The following ETV6 variants were observed in gnomAD, a reference collection of about 807,000 sequenced individuals.
ETV6 encodes ETS variant transcription factor 6.
In ETV6, 16 loss-of-function variants were observed where a neutral mutation model predicts 51.1. That is an observed-to-expected ratio of 0.31 (90% CI 0.21 to 0.48). The LOEUF (loss-of-function observed/expected upper bound fraction) is 0.48. ETV6 is among the 20% of genes least tolerant of loss of function. The pLI, the probability that ETV6 is intolerant of heterozygous loss-of-function variation, is 0.99. For synonymous variants in ETV6, 240 were observed against 224.1 expected, an observed-to-expected ratio of 1.07 and a Z score of -0.64; for missense variants, 458 against 594.8, an observed-to-expected ratio of 0.77 and a Z score of 2.39.
At chr12:11,883,362 C>T (rs558297955) in intron 5 of ETV6, among the ~76,000 whole-genome samples, 2 of 138,102 alleles carry the variant, frequency 1.4e-5, no homozygotes, top group African/African-American at 2.8e-5. Flanking sequence ...GGTGCGATCT[C>T]GACTTACTGC....
intron 1 of ETV6, among the ~76,000 whole-genome samples, chr12:11,741,723 G>A (rs1451488645): frequency 6.6e-6 from 1 of 152,240 alleles, no homozygotes; most frequent in Non-Finnish European, 1.5e-5. Context: ...AGGTAGGACA[G>A]TGATAATTTA....
At chr12:11,816,811 T>G (rs1295707086) in intron 2 of ETV6, among the ~76,000 whole-genome samples, 1 of 152,186 alleles carries the variant, frequency 6.6e-6, no homozygotes, top group Non-Finnish European at 1.5e-5. Context: ...CCCACTGCAG[T>G]TGACAATTTG....
At position 11,805,822 on chromosome 12, in the gene ETV6, G is replaced by A. The variant is rs116544649; in HGVS notation, c.164-33318G>A. Among the ~76,000 whole-genome samples the A allele has an allele frequency of 3.4e-3, 522 of 152,332 alleles. 3 individuals carry two copies. The highest frequency in any genetic ancestry group is 0.012 in the African/African-American group (502 of 41,564). On this transcript the variant is annotated intron_variant, in intron 2 of 7. Coordinates refer to ENST00000396373, the MANE Select transcript of ETV6 (RefSeq NM_001987.5). ...TTTATCCTAAGAGCAACAAGCATCCGTGTCTGTGTTACCTCAGTAACCTTG... is the reference window on the plus strand; with the variant it reads ...TTTATCCTAAGAGCAACAAGCATCCATGTCTGTGTTACCTCAGTAACCTTG...
chr12:11,760,437 C>T (rs1334873366), intron 2 of ETV6, among the ~76,000 whole-genome samples: 1 of 152,136 alleles, frequency 6.6e-6, no homozygotes, highest in Non-Finnish European at 1.5e-5. Flanking sequence ...GCAGTGAATA[C>T]CCTATTTTAC....
intron 1 of ETV6, among the ~76,000 whole-genome samples, chr12:11,715,156 T>C (rs939036034): frequency 6.6e-6 from 1 of 152,328 alleles, no homozygotes; most frequent in African/African-American, 2.4e-5. Flanking sequence ...TCTATGAGCA[T>C]ATACACTGAA....
intron 2 of ETV6, among the ~76,000 whole-genome samples, chr12:11,768,681 T>C (rs995084255): frequency 6.6e-6 from 1 of 152,184 alleles, no homozygotes; most frequent in Non-Finnish European, 1.5e-5. Flanking sequence ...CTTTCCGTTG[T>C]GGAAAATAAT....
intron 1 of ETV6, among the ~76,000 whole-genome samples, chr12:11,669,397 T>TCCTCCCTCCCTC (rs2120686962): frequency 2.7e-5 from 1 of 36,636 alleles, no homozygotes; most frequent in East Asian, 5.7e-4. Context: ...CTCCCTCCTT[T>TCCTCCCTCCCTC]CCTCCTTTCC....
intron 1 of ETV6, among the ~76,000 whole-genome samples, chr12:11,676,799 T>A (rs572823218): frequency 6.6e-6 from 1 of 152,334 alleles, no homozygotes; most frequent in South Asian, 2.1e-4. Flanking sequence ...TGGTGCTCCA[T>A]AAATATCTGT....
chr12:11,869,771 AGCCCCATCAT>A lies in ETV6; in HGVS notation c.814_823del (p.Pro272ThrfsTer3). ...CACACGCGTGATCCAGCTGATGCCC[AGCCCCATCAT>A]GCACCCTCTGATCCTGAACCCCCGG... is the stretch of plus-strand genomic sequence containing the variant. On this transcript the variant is annotated frameshift_variant, in exon 5 of 8. Coordinates refer to ENST00000396373, the MANE Select transcript of ETV6 (RefSeq NM_001987.5). LOFTEE classifies it high-confidence loss of function. This position sits in a 1 kb window ranked among gnomAD's most constrained non-coding sequence, Gnocchi z 5.0. 1 of 1,613,372 alleles carries A rather than the reference AGCCCCATCAT, an allele frequency of 6.2e-7. No individual in the cohort carries two copies. The highest frequency in any genetic ancestry group is 8.5e-7 in the Non-Finnish European group (1 of 1,179,994).
chr12:11,846,615 A>G (rs1051041384), intron 3 of ETV6, among the ~76,000 whole-genome samples: 2 of 152,178 alleles, frequency 1.3e-5, no homozygotes, highest in African/African-American at 4.8e-5. Flanking sequence ...CAAAAAAAAA[A>G]AGATGCCCTT....
chr12:11,884,841 C>G (rs779770263), intron 6 of ETV6, among the ~76,000 whole-genome samples: 22 of 152,156 alleles, frequency 1.4e-4, no homozygotes, highest in Non-Finnish European at 2.4e-4. Flanking sequence ...ATGAGTGACT[C>G]TTGTTTCCAC....
At chr12:11,777,531 C>T (rs1190616157) in intron 2 of ETV6, among the ~76,000 whole-genome samples, 1 of 151,894 alleles carries the variant, frequency 6.6e-6, no homozygotes, top group African/African-American at 2.4e-5. Flanking sequence ...TACCCAGCAG[C>T]TTGCACCTAG....
chr12:11,810,578 C>T (rs796543621), intron 2 of ETV6, among the ~76,000 whole-genome samples: 19 of 152,216 alleles, frequency 1.2e-4, no homozygotes, highest in African/African-American at 3.9e-4. Context: ...ATAAAAAATA[C>T]CTGTGGTCTC....
intron 2 of ETV6, among the ~76,000 whole-genome samples, chr12:11,781,107 A>G (rs1012962897): frequency 1.3e-5 from 2 of 152,242 alleles, no homozygotes; most frequent in Admixed American, 1.3e-4. Flanking sequence ...GAAAAACATG[A>G]GGCTGGTTTA....
intron 1 of ETV6, among the ~76,000 whole-genome samples, chr12:11,694,617 C>T (rs76418573): frequency 0.015 from 2,333 of 152,316 alleles, 45 homozygotes; most frequent in East Asian, 0.095. Flanking sequence ...TATCTCCTCC[C>T]TATTAAACTT....
At chr12:11,751,805 G>T in intron 1 of ETV6, 1 of 500,734 alleles carries the variant, frequency 2.0e-6, no homozygotes, top group Non-Finnish European at 4.0e-6. Flanking sequence ...AAAGAACAAG[G>T]AGATATTCAT....
intron 1 of ETV6, among the ~76,000 whole-genome samples, chr12:11,698,604 CA>C (rs60669214): frequency 1 from 152,326 of 152,328 alleles, 76,162 homozygotes; most frequent in Non-Finnish European, 1. Flanking sequence ...GCTCCTTCAA[CA>C]ACTAGCAAGG....
chr12:11,833,482 T>G (rs192461038), intron 2 of ETV6, among the ~76,000 whole-genome samples: 1 of 152,208 alleles, frequency 6.6e-6, no homozygotes, highest in Non-Finnish European at 1.5e-5. Context: ...CTTTTTAAAA[T>G]TTAGTCATAA....
intron 5 of ETV6, among the ~76,000 whole-genome samples, chr12:11,880,934 C>A (rs533582527): frequency 1.6e-3 from 247 of 152,228 alleles, no homozygotes; most frequent in African/African-American, 5.3e-3. Flanking sequence ...GATTTACTGG[C>A]TTCTTTTCCC....
Sources: allele counts gnomAD v4.1 joint callset (sites outside exome capture counted in the v4.1 genomes callset), GRCh38; gene constraint gnomAD v4.1.1; non-coding constraint Gnocchi (gnomAD v3.1); transcripts MANE v1.5; gene names NCBI Gene and HGNC (gene_info 2026-07-23, HGNC 2026-07-21).